CEP104: variants seen among roughly 807,000 people sequenced by gnomAD.
CEP104 encodes centrosomal protein 104, also known as centrosomal protein of 104 kDa.
CEP104 carries 84 observed loss-of-function variants against 113.3 expected under a neutral mutation model. That is an observed-to-expected ratio of 0.74 (90% confidence interval 0.62 to 0.89). The LOEUF (loss-of-function observed/expected upper bound fraction) is 0.89, where lower values mean the gene tolerates loss of function less well. Among genes scored for constraint, CEP104 ranks in the 40% least tolerant of loss-of-function variants. The pLI is 0.00. For missense variants in CEP104, 1,053 were observed against 1,156.6 expected (o/e 0.91, Z 1.30); for synonymous variants, 378 against 421.7 (o/e 0.90, Z 1.27).
chr1:3,833,134 C>T (rs1208709220), intron 12 of CEP104, among the ~76,000 whole-genome samples: 1 of 151,996 alleles, frequency 6.6e-6, no homozygotes, highest in Non-Finnish European at 1.5e-5. Flanking sequence ...GCACGCACCA[C>T]CACACCCGGC....
chr1:3,825,450 C>T (rs1409876848), intron 18 of CEP104, among the ~76,000 whole-genome samples: 1 of 152,172 alleles, frequency 6.6e-6, no homozygotes, highest in Non-Finnish European at 1.5e-5. Flanking sequence ...CATGACGCCA[C>T]ATGGTTCCGT....
rs897283929 is a variant in CEP104 at position 3,839,614 on chromosome 1, C to T, written c.729G>A (p.Leu243=). The change falls in exon 7 of 22, where the codon TTG becomes TTA. Residue 243 remains leucine, a synonymous_variant. Transcript: ENST00000378230. ...AKKLKQAIAD[L]QKVGERLGRY... ...TTTTCTCCAAAGGCAATACCTTTTG[C>T]AAATCAGCAATGGCTTGTTTTAGTT... 5.0e-6 allele frequency: 8 copies of T among 1,611,388 alleles called. No homozygotes were observed. The highest frequency in any genetic ancestry group is 5.9e-6 in the Non-Finnish European group (7 of 1,179,188).
At chr1:3,817,934 C>T (rs1174119155) in intron 20 of CEP104, among the ~76,000 whole-genome samples, 1 of 152,244 alleles carries the variant, frequency 6.6e-6, no homozygotes, top group Non-Finnish European at 1.5e-5. Flanking sequence ...GCTGAGGTGC[C>T]GCAGCTGCCT....
In CEP104 at chr1:3,836,538, A is replaced by G. The variant is rs1277469561; in HGVS notation, c.1274T>C (p.Leu425Ser). ...ATCGATGGCAGAGCTGGCTTCTCTC[A>G]AGGCCTTCTCGGTTAAGGGCTCTGG... ...GEPEPLTEKA[L>S]REASSAIDVL... Residue 425 changes from leucine (L) to serine (S), a missense_variant, in exon 10 of 22, where the codon TTG becomes TCG. By Grantham distance (145) the Leu-to-Ser change is moderately radical. Coordinates refer to ENST00000378230, the MANE Select transcript of CEP104 (RefSeq NM_014704.4). 2 of 1,584,496 alleles carry G rather than the reference A, an allele frequency of 1.3e-6. No individual in the cohort carries two copies. The highest frequency in any genetic ancestry group is 8.5e-7 in the Non-Finnish European group (1 of 1,172,906).
chr1:3,830,057 T>TAAAAAAA, intron 13 of CEP104, 60 bp from the exon 14 acceptor site: 1 of 1,240,048 alleles, frequency 8.1e-7, no homozygotes, highest in Admixed American at 1.9e-5. Context: ...TCTTCCAGCT[T>TAAAAAAA]ACAAAAAAGG....
intron 1 of CEP104, among the ~76,000 whole-genome samples, chr1:3,852,944 G>C (rs986970249): frequency 2.0e-5 from 3 of 152,230 alleles, no homozygotes; most frequent in African/African-American, 7.2e-5. Flanking sequence ...CCCAAGGTTA[G>C]GAAGAAGCCA....
intron 12 of CEP104, among the ~76,000 whole-genome samples, chr1:3,832,594 A>G (rs1644237989): frequency 6.8e-6 from 1 of 147,348 alleles, no homozygotes. Context: ...TTACCTTTTT[A>G]TTAGCATTCC....
intron 17 of CEP104, among the ~76,000 whole-genome samples, chr1:3,826,086 A>G (rs1644085252): frequency 6.6e-6 from 1 of 152,302 alleles, no homozygotes; most frequent in South Asian, 2.1e-4. Context: ...AAAGCACGAT[A>G]GGAAAGTCCT....
chr1:3,850,862 T>C (rs1048216637), intron 2 of CEP104, among the ~76,000 whole-genome samples: 2 of 152,196 alleles, frequency 1.3e-5, no homozygotes, highest in African/African-American at 2.4e-5. Context: ...AGAACCATAC[T>C]GGTGTGATTT....
chr1:3,843,315 C>G, intron 6 of CEP104: 1 of 540,698 alleles, frequency 1.8e-6, no homozygotes, highest in Non-Finnish European at 3.3e-6. Context: ...ACCCCCGGTT[C>G]TTACACTGCT....
chr1:3,817,306 C>T (rs1166684338), intron 20 of CEP104, among the ~76,000 whole-genome samples: 1 of 152,180 alleles, frequency 6.6e-6, no homozygotes, highest in African/African-American at 2.4e-5. Flanking sequence ...CACATCAGTG[C>T]ACTCCAGCCC....
At chr1:3,843,362 G>T in intron 6 of CEP104, 7 of 485,686 alleles carry the variant, frequency 1.4e-5, no homozygotes, top group Non-Finnish European at 2.6e-5. Context: ...AACAGCAGCA[G>T]AAAAATATGT....
Position 3,855,969 on chromosome 1 carries a change from G to A in CEP104, c.-15+920C>T, listed in dbSNP as rs188703126. ...CTCCCCAGGCAGCGATGACTCCATGGCGGTCTCATCCCTCACTACACTTTT... is the reference window on the plus strand; with the variant it reads ...CTCCCCAGGCAGCGATGACTCCATGACGGTCTCATCCCTCACTACACTTTT... On this transcript the variant is annotated intron_variant, in intron 1 of 21. Transcript: ENST00000378230. 7.9e-5 allele frequency: 78 copies of A among 985,056 alleles called. No individual in the cohort carries two copies. The African/African-American group carries it at 1.3e-3, about 17-fold the overall frequency. The allele number at this position is 985,056 out of a possible 1,614,324, so 61.0% of individuals were successfully genotyped here. A position where few individuals can be genotyped will look rare whatever the true frequency, so the allele number is the denominator to read the frequency against.
Position 3,826,391 on chromosome 1 carries a change from G to A in CEP104, c.2234C>T (p.Pro745Leu), listed in dbSNP as rs201407033. The A allele has an allele frequency of 2.5e-4, 399 of 1,613,856 alleles. 2 individuals are homozygous for A. Among genetic ancestry groups the A allele is most frequent in the Non-Finnish European group, 1.8e-4 (216 of 1,179,878 alleles). The change falls in exon 17 of 22, where the codon CCG becomes CTG. Residue 745 changes from proline to leucine, a missense_variant. Coordinates refer to ENST00000378230, the MANE Select transcript of CEP104 (RefSeq NM_014704.4). ...TTACTTATCTAGATAGTGCTCATCC[G>A]GGATTCCCAGAGCTTCAGCAGGGGC... Reference protein sequence around the residue: ...KAAPAEALGIPDEHYLDNLCI... With the variant: ...KAAPAEALGILDEHYLDNLCI...
chr1:3,852,025 C>T (rs1644620637), intron 2 of CEP104, among the ~76,000 whole-genome samples: 1 of 152,304 alleles, frequency 6.6e-6, no homozygotes, highest in East Asian at 1.9e-4. Context: ...TATGGTTAGA[C>T]AGTTACGGGG....
rs2275820 is a variant in CEP104, at chr1:3,852,179, G to A, written c.113+116C>T. Reference sequence around the variant, plus strand: ...CTGACACTGCATGCTGACATCCTTGGTCCTGATGTCCGAGTGATAGTAAAA... The same window carrying A: ...CTGACACTGCATGCTGACATCCTTGATCCTGATGTCCGAGTGATAGTAAAA... On this transcript the variant is annotated intron_variant, in intron 2 of 21. Coordinates refer to ENST00000378230, the MANE Select transcript of CEP104 (RefSeq NM_014704.4). The A allele has an allele frequency of 9.1e-3, 8,668 of 949,072 alleles. 349 individuals are homozygous for A. In the East Asian group the frequency reaches 0.11, roughly 12 times the overall value. 58.8% of individuals were successfully genotyped at this position (949,072 alleles called of 1,614,324 possible).
chr1:3,816,575 A>C, intron 20 of CEP104: 1 of 494,406 alleles, frequency 2.0e-6, no homozygotes, highest in Non-Finnish European at 3.6e-6. Flanking sequence ...CAACTCAGGA[A>C]GCAAGAAGTC....
chr1:3,835,650 C>T (rs1345066262), intron 10 of CEP104, among the ~76,000 whole-genome samples: 3 of 152,066 alleles, frequency 2.0e-5, no homozygotes, highest in East Asian at 1.9e-4. Flanking sequence ...GGATTATAGG[C>T]GTGAGCCACT....
chr1:3,838,269 C>T (rs1273442411), intron 8 of CEP104, among the ~76,000 whole-genome samples: 1 of 152,198 alleles, frequency 6.6e-6, no homozygotes, highest in Non-Finnish European at 1.5e-5. Flanking sequence ...CCTCCTGTCT[C>T]ACTCTCCTGA....
Sources: gnomAD v4.1 joint callset for allele counts (sites outside exome capture counted in the v4.1 genomes callset) on GRCh38, gnomAD v4.1.1 for gene constraint, MANE v1.5 for transcripts, NCBI Gene and HGNC (gene_info 2026-07-23, HGNC 2026-07-21) for gene names.